Variants in UVRAG observed in about 807,000 individuals in gnomAD.
UVRAG encodes UV radiation resistance associated.
In UVRAG, 19 loss-of-function variants were observed where a neutral mutation model predicts 78.0. The observed-to-expected ratio is 0.24, with a 90% CI of 0.17 to 0.36. The LOEUF is 0.36. Among genes scored for constraint, UVRAG ranks in the 10% least tolerant of loss-of-function variants. The probability of loss-of-function intolerance (pLI) is 1.00; values close to 1 mark genes in which losing one functional copy is unlikely to be tolerated. For missense variants in UVRAG, 740 were observed against 853.8 expected, an observed-to-expected ratio of 0.87 and a Z score of 1.66; for synonymous variants, 323 against 324.6, an observed-to-expected ratio of 1.00 and a Z score of 0.05.
chr11:75,936,700 G>C (rs1948379787), intron 6 of UVRAG, among the ~76,000 whole-genome samples: 1 of 152,032 alleles, frequency 6.6e-6, no homozygotes, highest in African/African-American at 2.4e-5. Context: ...ATTAGAATTA[G>C]TCATTTCTCT....
At chr11:75,880,081 A>C (rs1946903287) in intron 4 of UVRAG, 41 bp downstream of exon 4, 1 of 1,607,438 alleles carries the variant, frequency 6.2e-7, no homozygotes, top group African/African-American at 1.3e-5. Context: ...GTCATCTCCA[A>C]ATTAACGTGT....
At chr11:76,041,889 C>T (rs150990346) in intron 12 of UVRAG, among the ~76,000 whole-genome samples, 1 of 152,248 alleles carries the variant, frequency 6.6e-6, no homozygotes, top group African/African-American at 2.4e-5. Context: ...TGAATTGTCA[C>T]AAAAGCAGTA....
intron 1 of UVRAG, among the ~76,000 whole-genome samples, chr11:75,847,001 T>A (rs1296090027): frequency 6.8e-6 from 1 of 147,782 alleles, no homozygotes; most frequent in Non-Finnish European, 1.5e-5. Context: ...TTTTTTGTAT[T>A]TTTAGTAGAG....
intron 14 of UVRAG, among the ~76,000 whole-genome samples, chr11:76,126,115 A>AATTTTTTGT (rs200707470): frequency 0.12 from 18,763 of 151,448 alleles, 2,953 homozygotes; most frequent in African/African-American, 0.37. Flanking sequence ...TCACCCGGCT[A>AATTTTTTGT]ATTTTTTAGT....
At chr11:75,831,213 G>A (rs1945647127) in intron 1 of UVRAG, among the ~76,000 whole-genome samples, 2 of 152,204 alleles carry the variant, frequency 1.3e-5, no homozygotes, top group South Asian at 4.1e-4. Flanking sequence ...GGGTGGCCGG[G>A]AACGGTGGCT....
At chr11:75,879,811 G>A (rs1946897539) in intron 3 of UVRAG, 68 bp from the exon 4 acceptor site, 4 of 1,549,866 alleles carry the variant, frequency 2.6e-6, no homozygotes, top group Non-Finnish European at 3.5e-6. Flanking sequence ...AAAATGATTT[G>A]TCACCTAATT....
chr11:75,926,971 G>A (rs1205073761), intron 6 of UVRAG, among the ~76,000 whole-genome samples: 1 of 152,018 alleles, frequency 6.6e-6, no homozygotes, highest in Admixed American at 6.6e-5. Context: ...AATCCTTAAA[G>A]CAAGTGTATG....
At chr11:75,890,920 T>TTTGTTG (rs141077139) in intron 5 of UVRAG, among the ~76,000 whole-genome samples, 2 of 150,934 alleles carry the variant, frequency 1.3e-5, no homozygotes, top group African/African-American at 2.4e-5. Flanking sequence ...AAGAAAGGGT[T>TTTGTTG]TTGTTGTTGT....
At chr11:75,821,795 T>C (rs1243039274) in intron 1 of UVRAG, among the ~76,000 whole-genome samples, 1 of 152,094 alleles carries the variant, frequency 6.6e-6, no homozygotes, top group Non-Finnish European at 1.5e-5. Flanking sequence ...ATTGGTCAGG[T>C]GTTTTGTAGG....
In UVRAG at chr11:76,007,691, A is replaced by T. The variant is rs992724429; in HGVS notation, c.999+70A>T. The T allele has an allele frequency of 2.5e-6, 3 of 1,223,078 alleles. No homozygotes were observed. The Admixed American group carries it at 5.3e-5, about 22-fold the overall frequency. 75.8% of individuals were successfully genotyped at this position (1,223,078 alleles called of 1,614,324 possible). ...GATTTCTGTATGACATTTCCTCTCA[A>T]TGAAAAAACTCATTGCTTTAGGCTT... On this transcript the variant is annotated intron_variant, in intron 10 of 14. Transcript: ENST00000356136.
At chr11:75,861,534 A>G (rs1469505050) in intron 2 of UVRAG, among the ~76,000 whole-genome samples, 1 of 152,182 alleles carries the variant, frequency 6.6e-6, no homozygotes, top group Non-Finnish European at 1.5e-5. Context: ...GAAAGGTTTT[A>G]TCCTTCTTTA....
intron 5 of UVRAG, among the ~76,000 whole-genome samples, chr11:75,906,540 G>A (rs1219353655): frequency 6.6e-6 from 1 of 152,026 alleles, no homozygotes; most frequent in Non-Finnish European, 1.5e-5. Context: ...GAGGTACCAG[G>A]TTTTACCATG....
intron 1 of UVRAG, among the ~76,000 whole-genome samples, chr11:75,839,384 A>G (rs529423407): frequency 5.9e-5 from 9 of 152,188 alleles, no homozygotes; most frequent in Middle Eastern, 3.4e-3. Flanking sequence ...TGTTTATAAA[A>G]TAATTGTTCA....
At chr11:76,014,037 T>G (rs749116309) in intron 11 of UVRAG, among the ~76,000 whole-genome samples, 32 of 152,304 alleles carry the variant, frequency 2.1e-4, no homozygotes, top group East Asian at 5.8e-4. Flanking sequence ...TTATTCAATT[T>G]TCAGTGTGTG....
At chr11:75,995,806 CAAAATTT>C (rs1300934828) in intron 8 of UVRAG, among the ~76,000 whole-genome samples, 1 of 151,892 alleles carries the variant, frequency 6.6e-6, no homozygotes, top group Admixed American at 6.6e-5. Flanking sequence ...GAAATGATGG[CAAAATTT>C]AAATTTTATT....
At chr11:76,116,075 T>A (rs1952175088) in intron 14 of UVRAG, 60 bp downstream of exon 14, 1 of 1,521,344 alleles carries the variant, frequency 6.6e-7, no homozygotes, top group African/African-American at 1.4e-5. Flanking sequence ...CTGAAAATCT[T>A]TTCTGACTTC....
At chr11:76,020,059 C>CT (rs1950215020) in intron 12 of UVRAG, among the ~76,000 whole-genome samples, 1 of 152,150 alleles carries the variant, frequency 6.6e-6, no homozygotes, top group South Asian at 2.1e-4. Context: ...CAAAGTCCTT[C>CT]CCACTTTTCC....
chr11:76,092,496 C>T (rs1418668357), intron 13 of UVRAG, among the ~76,000 whole-genome samples: 4 of 152,136 alleles, frequency 2.6e-5, no homozygotes. Context: ...CTCTCCAGCA[C>T]CTGTTGTTTC....
chr11:75,819,964 C>A (rs913381104), intron 1 of UVRAG, among the ~76,000 whole-genome samples: 6 of 151,986 alleles, frequency 3.9e-5, no homozygotes, highest in Admixed American at 1.3e-4. Flanking sequence ...GCGAAACTGT[C>A]TAAAAAAAAT....
Sources: allele counts gnomAD v4.1 joint callset (sites outside exome capture counted in the v4.1 genomes callset), GRCh38; gene constraint gnomAD v4.1.1; transcripts MANE v1.5; gene names NCBI Gene and HGNC (gene_info 2026-07-23, HGNC 2026-07-21).